GDPD5: variants seen among roughly 807,000 people sequenced by gnomAD.
GDPD5 encodes the protein glycerophosphodiester phosphodiesterase domain containing 5.
In GDPD5, 48 loss-of-function variants were observed where a neutral mutation model predicts 75.1. That is an observed-to-expected ratio of 0.64 (90% CI 0.51 to 0.81). The LOEUF (loss-of-function observed/expected upper bound fraction) is 0.81. Among genes scored for constraint, GDPD5 ranks in the 40% least tolerant of loss-of-function variants. The pLI, the probability that GDPD5 is intolerant of heterozygous loss-of-function variation, is 0.00. For missense variants in GDPD5, 706 were observed against 822.6 expected (o/e 0.86, Z 1.73); for synonymous variants, 336 against 339.0 (o/e 0.99, Z 0.10).
At chr11:75,487,224 G>C (rs926555193) in intron 2 of GDPD5, among the ~76,000 whole-genome samples, 1 of 152,236 alleles carries the variant, frequency 6.6e-6, no homozygotes, top group Non-Finnish European at 1.5e-5. Context: ...GGCTTGAATG[G>C]AGAGATCCCC....
At chr11:75,457,168 AG>A (rs954706530) in intron 5 of GDPD5, among the ~76,000 whole-genome samples, 1 of 152,248 alleles carries the variant, frequency 6.6e-6, no homozygotes, top group African/African-American at 2.4e-5. Context: ...GTCCCCAAGG[AG>A]CCCCCAGTCC....
chr11:75,498,510 T>C (rs904282430), intron 1 of GDPD5, among the ~76,000 whole-genome samples: 1 of 123,410 alleles, frequency 8.1e-6, no homozygotes, highest in African/African-American at 3.1e-5. Flanking sequence ...CTCCTACTCG[T>C]CACTGATGCC....
chr11:75,483,340 G>C (rs1478984142), intron 2 of GDPD5, among the ~76,000 whole-genome samples: 2 of 152,324 alleles, frequency 1.3e-5, no homozygotes, highest in Non-Finnish European at 1.5e-5. Flanking sequence ...AAGAGTCCAT[G>C]ACTGAGATGG....
intron 9 of GDPD5, among the ~76,000 whole-genome samples, chr11:75,445,591 C>A (rs1055798437): frequency 1.3e-5 from 2 of 152,192 alleles, no homozygotes; most frequent in Non-Finnish European, 2.9e-5. Flanking sequence ...ACCCCCGATC[C>A]CCCTGCCCTG....
intron 1 of GDPD5, among the ~76,000 whole-genome samples, chr11:75,518,124 C>G (rs1417075481): frequency 1.3e-5 from 2 of 152,220 alleles, no homozygotes; most frequent in Non-Finnish European, 2.9e-5. Flanking sequence ...CTCAGTCCAG[C>G]CCGGCGTCAG....
In GDPD5 at chr11:75,436,992, G is replaced by A. The variant is rs1173637294; in HGVS notation, c.1613C>T (p.Ala538Val). 8.1e-6 allele frequency: 13 copies of A among 1,613,378 alleles called. No individual in the cohort carries two copies. The highest frequency in any genetic ancestry group is 1.6e-4 in the Middle Eastern group (1 of 6,084). Residue 538 changes from alanine (A) to valine (V), a missense_variant, in exon 16 of 17, where the codon GCG becomes GTG. Coordinates refer to ENST00000336898, the MANE Select transcript of GDPD5 (RefSeq NM_030792.8). The part of the protein sequence containing the change: ...YNPEQIMLSA[A>V]VRRTSRDVSI... ...GACGTCCCGGCTGGTCCGGCGCACCGCAGCACTCAGCATGATCTGCTCAGG... is the reference window on the plus strand; with the variant it reads ...GACGTCCCGGCTGGTCCGGCGCACCACAGCACTCAGCATGATCTGCTCAGG...
At chr11:75,524,230 A>T (rs1250225981) in intron 1 of GDPD5, among the ~76,000 whole-genome samples, 1 of 152,242 alleles carries the variant, frequency 6.6e-6, no homozygotes, top group Non-Finnish European at 1.5e-5. Context: ...TGGACCTTCC[A>T]TTTGGGCCAA....
intron 10 of GDPD5, among the ~76,000 whole-genome samples, chr11:75,443,737 A>G (rs564810203): frequency 1.4e-4 from 21 of 152,348 alleles, no homozygotes; most frequent in African/African-American, 4.8e-4. Context: ...AATTCCACCC[A>G]ACCCCAATCC....
In GDPD5 at chr11:75,477,760, T is replaced by TGAG; in HGVS notation, c.-26_-25insCTC. On this transcript the variant is annotated 5_prime_UTR_variant, in exon 3 of 17. Coordinates refer to ENST00000336898, the MANE Select transcript of GDPD5 (RefSeq NM_030792.8). ...TACTCGTGCCCACGGCCCTGGCGCC[T>TGAG]GGCCCTCAGGCGCCCATGGAGGCCC... 6.6e-7 allele frequency: 1 copy of TGAG among 1,510,832 alleles called. No homozygotes were observed. Among genetic ancestry groups the TGAG allele is most frequent in the Non-Finnish European group, 9.0e-7 (1 of 1,113,834 alleles). The allele number at this position is 1,510,832 out of a possible 1,614,324, so 93.6% of individuals were successfully genotyped here.
chr11:75,513,315 GC>G (rs1950568869), intron 1 of GDPD5, among the ~76,000 whole-genome samples: 1 of 152,164 alleles, frequency 6.6e-6, no homozygotes, highest in Admixed American at 6.5e-5. Flanking sequence ...AAGGCACACA[GC>G]CAGCAAGGCA....
chr11:75,446,321 C>T (rs1203607636), intron 9 of GDPD5, among the ~76,000 whole-genome samples: 1 of 150,978 alleles, frequency 6.6e-6, no homozygotes, highest in Non-Finnish European at 1.5e-5. Context: ...AAACCTGGCC[C>T]TCCCTGGCCA....
chr11:75,473,983 T>C (rs980049454), intron 3 of GDPD5, among the ~76,000 whole-genome samples: 1 of 152,138 alleles, frequency 6.6e-6, no homozygotes, highest in African/African-American at 2.4e-5. Context: ...TCTGATATAC[T>C]TATGACCCCA....
At chr11:75,485,414 G>A (rs1287271070) in intron 2 of GDPD5, 3 of 152,082 alleles carry the variant, frequency 2.0e-5, no homozygotes, top group Admixed American at 2.0e-4. Context: ...CAGACTATGG[G>A]GAGGAGAAAG....
At chr11:75,495,126 G>GT (rs1187391168) in intron 1 of GDPD5, among the ~76,000 whole-genome samples, 1 of 151,908 alleles carries the variant, frequency 6.6e-6, no homozygotes, top group African/African-American at 2.4e-5. Context: ...AATTAGCCGG[G>GT]TGTGATGGCA....
intron 14 of GDPD5, among the ~76,000 whole-genome samples, chr11:75,440,588 C>G (rs2135144582): frequency 6.6e-6 from 1 of 152,214 alleles, no homozygotes; most frequent in East Asian, 1.9e-4. Context: ...TTTTTTGAGA[C>G]AGGATCTCAC....
chr11:75,482,447 T>C (rs1477952887), intron 2 of GDPD5, among the ~76,000 whole-genome samples: 1 of 152,152 alleles, frequency 6.6e-6, no homozygotes, highest in Non-Finnish European at 1.5e-5. Flanking sequence ...CCTGGATGTC[T>C]CCAGCGGTGT....
intron 10 of GDPD5, among the ~76,000 whole-genome samples, chr11:75,443,552 C>T (rs1948895770): frequency 6.6e-6 from 1 of 152,202 alleles, no homozygotes; most frequent in South Asian, 2.1e-4. Context: ...TCTGGACCTA[C>T]TCTCTTAGCA....
chr11:75,439,825 G>A (rs890653207), intron 15 of GDPD5, 54 bp downstream of exon 15: 51 of 1,421,406 alleles, frequency 3.6e-5, no homozygotes, highest in Non-Finnish European at 4.6e-5. Flanking sequence ...TGGGGTGGGG[G>A]CTGGGCCTGC....
chr11:75,509,225 G>T (rs1950465006), intron 1 of GDPD5, among the ~76,000 whole-genome samples: 2 of 152,172 alleles, frequency 1.3e-5, no homozygotes, highest in Admixed American at 1.3e-4. Flanking sequence ...TTCCTCAGAG[G>T]CCGAGACCCC....
Sources: allele counts gnomAD v4.1 joint callset (sites outside exome capture counted in the v4.1 genomes callset), GRCh38; gene constraint gnomAD v4.1.1; transcripts MANE v1.5; gene names NCBI Gene and HGNC (gene_info 2026-07-23, HGNC 2026-07-21).